LIPC: variants seen among roughly 807,000 people sequenced by gnomAD.
The protein encoded by LIPC is hepatic triacylglycerol lipase.
Under a neutral mutation model 50.7 loss-of-function variants are expected in LIPC, and 44 were observed. The observed-to-expected ratio is 0.87, with a 90% CI of 0.68 to 1.11. The LOEUF is 1.11. LIPC is among the 50% of genes most tolerant of loss of function. The pLI is 0.00. For synonymous variants in LIPC, 271 were observed against 256.4 expected (o/e 1.06, Z -0.54); for missense variants, 697 against 648.2 (o/e 1.08, Z -0.82).
intron 1 of LIPC, among the ~76,000 whole-genome samples, chr15:58,529,957 A>T (rs1566940060): frequency 6.6e-6 from 1 of 152,266 alleles, no homozygotes; most frequent in African/African-American, 2.4e-5. Context: ...GATATCGCAC[A>T]GGACAACTGA....
At chr15:58,529,403 C>T (rs1179542083) in intron 1 of LIPC, among the ~76,000 whole-genome samples, 1 of 152,212 alleles carries the variant, frequency 6.6e-6, no homozygotes, top group Non-Finnish European at 1.5e-5. Flanking sequence ...CTGAGAATGA[C>T]ACCAGCAGAC....
At chr15:58,557,901 T>C (rs2140945735) in intron 6 of LIPC, among the ~76,000 whole-genome samples, 1 of 152,230 alleles carries the variant, frequency 6.6e-6, no homozygotes, top group South Asian at 2.1e-4. Context: ...TCTTTTTGTC[T>C]CAGTTTGACT....
At chr15:58,488,636 G>A (rs1262163840) in intron 1 of LIPC, among the ~76,000 whole-genome samples, 6 of 152,238 alleles carry the variant, frequency 3.9e-5, no homozygotes, top group African/African-American at 1.4e-4. Context: ...CCGAAGTACA[G>A]CCCAGGCATG....
At chr15:58,546,400 C>T (rs896626613) in intron 5 of LIPC, among the ~76,000 whole-genome samples, 1 of 152,192 alleles carries the variant, frequency 6.6e-6, no homozygotes, top group Non-Finnish European at 1.5e-5. Flanking sequence ...TAGGTTGTGG[C>T]TTCTCGATGA....
Position 58,568,852 on chromosome 15 carries a change from G to C in LIPC, c.*25G>C. ...AGATTTAATGAAGACCCAGTGTAAA[G>C]AATAAATGAATCTTACTCCTTATCT... On this transcript the variant is annotated 3_prime_UTR_variant, in exon 9 of 9. Transcript: ENST00000299022. The C allele has an allele frequency of 7.4e-7, 1 of 1,352,946 alleles. No homozygotes were observed. Among genetic ancestry groups the C allele is most frequent in the Non-Finnish European group, 1.0e-6 (1 of 956,252 alleles). The allele number at this position is 1,352,946 out of a possible 1,614,324, so 83.8% of individuals were successfully genotyped here.
chr15:58,490,140 C>T (rs1891535308), intron 1 of LIPC, among the ~76,000 whole-genome samples: 1 of 152,132 alleles, frequency 6.6e-6, no homozygotes, highest in African/African-American at 2.4e-5. Context: ...AAATGAGTCT[C>T]GAGATGTTTA....
At chr15:58,512,257 C>T (rs542249697) in intron 1 of LIPC, among the ~76,000 whole-genome samples, 43 of 152,180 alleles carry the variant, frequency 2.8e-4, no homozygotes, top group African/African-American at 1.0e-3. Context: ...AGCCACCAAG[C>T]CTGACTAATT....
Position 58,541,748 on chromosome 15 carries a change from G to A in LIPC, c.274-37G>A, listed in dbSNP as rs191538860. 1,562 of 1,602,196 alleles carry A rather than the reference G, an allele frequency of 9.7e-4. 4 individuals carry two copies. Among genetic ancestry groups the A allele is most frequent in the Non-Finnish European group, 1.2e-3 (1,405 of 1,172,918 alleles). On this transcript the variant is annotated intron_variant, in intron 2 of 8. Transcript: ENST00000299022. The stretch of plus-strand genomic sequence containing the variant: ...AGGAAGAAGGGTGAGCGGGGAGAAA[G>A]GAAACTAGTGCGACCCTCCCTCTGT...
At chr15:58,568,576 A>G in intron 8 of LIPC, 140 bp from the exon 9 acceptor site, 1 of 659,840 alleles carries the variant, frequency 1.5e-6, no homozygotes, top group South Asian at 1.7e-5. Context: ...TTACAAAAAT[A>G]TTTGCGAACA....
chr15:58,499,665 C>G (rs923524423), intron 1 of LIPC, among the ~76,000 whole-genome samples: 1 of 152,172 alleles, frequency 6.6e-6, no homozygotes, highest in Non-Finnish European at 1.5e-5. Context: ...CTGTGTCTCT[C>G]CTGGGGGGAT....
chr15:58,519,204 C>A (rs895496965), intron 1 of LIPC, among the ~76,000 whole-genome samples: 1 of 151,882 alleles, frequency 6.6e-6, no homozygotes, highest in Non-Finnish European at 1.5e-5. Flanking sequence ...GTCAGGAGAT[C>A]GAGACCATCC....
At chr15:58,526,905 A>G (rs1892814406) in intron 1 of LIPC, among the ~76,000 whole-genome samples, 2 of 152,316 alleles carry the variant, frequency 1.3e-5, no homozygotes, top group East Asian at 3.9e-4. Flanking sequence ...TCCCAAGGCC[A>G]TACAGCTAAT....
intron 1 of LIPC, among the ~76,000 whole-genome samples, chr15:58,487,651 C>CATCCAG (rs1292390286): frequency 1.3e-5 from 2 of 152,236 alleles, no homozygotes. Flanking sequence ...TACATGCCAT[C>CATCCAG]ATCCAGAAAT....
intron 1 of LIPC, chr15:58,533,306 C>A: frequency 3.4e-6 from 1 of 293,676 alleles, no homozygotes. Context: ...TTAAATGAGT[C>A]AATACAAATA....
At chr15:58,466,311 A>C (rs1306463904) in intron 1 of LIPC, among the ~76,000 whole-genome samples, 2 of 152,194 alleles carry the variant, frequency 1.3e-5, no homozygotes, top group African/African-American at 4.8e-5. Context: ...AAGGTTCTGG[A>C]AATTCCCCCA....
At chr15:58,485,348 G>A (rs557639933) in intron 1 of LIPC, among the ~76,000 whole-genome samples, 1 of 152,288 alleles carries the variant, frequency 6.6e-6, no homozygotes, top group African/African-American at 2.4e-5. Context: ...AGAGGGAGGA[G>A]TCAATGGTGG....
chr15:58,559,703 A>AT (rs376777598), intron 6 of LIPC, among the ~76,000 whole-genome samples: 135,264 of 143,666 alleles, frequency 0.94, 63,686 homozygotes, highest in Admixed American at 0.98. Flanking sequence ...ACCCTGTCTC[A>AT]AAAAAAAAAA....
intron 1 of LIPC, among the ~76,000 whole-genome samples, chr15:58,536,310 T>TG (rs1310297868): frequency 4.0e-5 from 6 of 151,796 alleles, no homozygotes; most frequent in African/African-American, 1.5e-4. Flanking sequence ...GAGGAGGAGG[T>TG]GGGGGATGAG....
At chr15:58,470,025 C>A (rs1316130271) in intron 1 of LIPC, among the ~76,000 whole-genome samples, 7 of 151,728 alleles carry the variant, frequency 4.6e-5, no homozygotes, top group African/African-American at 1.7e-4. Context: ...CTTGACCTCC[C>A]AGGCTCAAGG....
Sources: gnomAD v4.1 joint callset for allele counts (sites outside exome capture counted in the v4.1 genomes callset) on GRCh38, gnomAD v4.1.1 for gene constraint, MANE v1.5 for transcripts, NCBI Gene and HGNC (gene_info 2026-07-23, HGNC 2026-07-21) for gene names.